The following SORCS1 variants were observed in gnomAD, a reference collection of about 807,000 sequenced individuals.
SORCS1 encodes the protein sortilin related VPS10 domain containing receptor 1.
SORCS1 carries 60 observed loss-of-function variants against 146.1 expected under a neutral mutation model. The observed-to-expected ratio is 0.41, with a 90% CI of 0.33 to 0.51. The LOEUF is 0.51. SORCS1 is among the 20% of genes least tolerant of loss of function. The pLI, the probability that SORCS1 is intolerant of heterozygous loss-of-function variation, is 0.21. For synonymous variants in SORCS1, 637 were observed against 584.0 expected, an observed-to-expected ratio of 1.09 and a Z score of -1.31; for missense variants, 1,352 against 1,487.6, an observed-to-expected ratio of 0.91 and a Z score of 1.50.
intron 4 of SORCS1, among the ~76,000 whole-genome samples, chr10:106,775,564 A>G (rs1860367915): frequency 6.6e-6 from 1 of 152,196 alleles, no homozygotes; most frequent in Non-Finnish European, 1.5e-5. Flanking sequence ...ATCTATGCAA[A>G]CCCAGACAAA....
chr10:107,050,114 C>T (rs906234506), intron 1 of SORCS1, among the ~76,000 whole-genome samples: 2 of 152,168 alleles, frequency 1.3e-5, no homozygotes, highest in Non-Finnish European at 2.9e-5. Flanking sequence ...TAACCCTTAA[C>T]TTTAAAAATT....
chr10:107,026,757 T>C (rs1958423881), intron 1 of SORCS1, among the ~76,000 whole-genome samples: 1 of 152,076 alleles, frequency 6.6e-6, no homozygotes, highest in South Asian at 2.1e-4. Flanking sequence ...TGCCATGCCA[T>C]GACCCTTCAC....
intron 1 of SORCS1, among the ~76,000 whole-genome samples, chr10:107,116,456 A>G (rs1037737279): frequency 2.6e-5 from 4 of 152,188 alleles, no homozygotes; most frequent in African/African-American, 9.6e-5. Flanking sequence ...ACACACATAC[A>G]TACGTACATA....
chr10:107,055,140 G>A lies in SORCS1; in HGVS notation c.559-98560C>T, dbSNP rs949415679. The stretch of plus-strand genomic sequence containing the variant: ...GAGGTCTTCATGGAGAGAGAAGGAG[G>A]TGTCTGGGAGAAGCCTTGAAGAGCA... On this transcript the variant is annotated intron_variant, in intron 1 of 25. Coordinates refer to ENST00000263054, the MANE Select transcript of SORCS1 (RefSeq NM_052918.5). 3.9e-5 allele frequency among the ~76,000 whole-genome samples: 6 copies of A among 152,172 alleles called. No individual in the cohort carries two copies. The South Asian group carries it at 8.3e-4, about 21-fold the overall frequency.
At chr10:106,630,987 T>G (rs1022969609) in intron 18 of SORCS1, among the ~76,000 whole-genome samples, 2 of 152,216 alleles carry the variant, frequency 1.3e-5, no homozygotes, top group Non-Finnish European at 2.9e-5. Context: ...TTGTTAGCCT[T>G]TCCCACTTTC....
At chr10:107,024,506 G>T (rs1488275586) in intron 1 of SORCS1, among the ~76,000 whole-genome samples, 1 of 152,124 alleles carries the variant, frequency 6.6e-6, no homozygotes, top group Non-Finnish European at 1.5e-5. Flanking sequence ...CAACACTGGG[G>T]GTCAAATATC....
chr10:106,704,667 G>C (rs184228466), intron 8 of SORCS1, among the ~76,000 whole-genome samples: 2 of 152,298 alleles, frequency 1.3e-5, no homozygotes, highest in Non-Finnish European at 2.9e-5. Context: ...TCCAGCCTGG[G>C]TGACAGAGCG....
At chr10:106,756,811 A>C (rs906955293) in intron 5 of SORCS1, among the ~76,000 whole-genome samples, 2 of 152,308 alleles carry the variant, frequency 1.3e-5, no homozygotes, top group East Asian at 3.9e-4. Flanking sequence ...TCCTCAGGAA[A>C]GGATCTTCAA....
chr10:107,142,755 C>T (rs1565098648), intron 1 of SORCS1, among the ~76,000 whole-genome samples: 1 of 152,128 alleles, frequency 6.6e-6, no homozygotes, highest in African/African-American at 2.4e-5. Context: ...TAGGGTGACA[C>T]TGACAGGGTT....
At chr10:106,680,378 A>G (rs1318931743) in intron 10 of SORCS1, among the ~76,000 whole-genome samples, 1 of 152,236 alleles carries the variant, frequency 6.6e-6, no homozygotes, top group East Asian at 1.9e-4. Flanking sequence ...GTAGGTTGGC[A>G]TCTCTTAGTC....
At chr10:106,646,214 T>C (rs1021262870) in intron 18 of SORCS1, among the ~76,000 whole-genome samples, 1 of 151,804 alleles carries the variant, frequency 6.6e-6, no homozygotes, top group East Asian at 1.9e-4. Context: ...ATCATGCCAC[T>C]TGCACTTCAG....
In SORCS1 at chr10:106,709,593, C is replaced by A. The variant is rs534353872; in HGVS notation, c.1025-252G>T. Among the ~76,000 whole-genome samples the A allele has an allele frequency of 5.9e-5, 9 of 152,092 alleles. No homozygotes were observed. In the South Asian group the frequency reaches 1.9e-3, roughly 32 times the overall value. On this transcript the variant is annotated intron_variant, in intron 6 of 25. Coordinates refer to ENST00000263054, the MANE Select transcript of SORCS1 (RefSeq NM_052918.5). ...CCTCCTGAGTAGCCGGGACTACAGGCATCCACCACAATGCCCGGCTAATTT... is the reference window on the plus strand; with the variant it reads ...CCTCCTGAGTAGCCGGGACTACAGGAATCCACCACAATGCCCGGCTAATTT...
intron 2 of SORCS1, among the ~76,000 whole-genome samples, chr10:106,925,369 T>G (rs532171835): frequency 2.0e-5 from 3 of 152,206 alleles, no homozygotes; most frequent in Non-Finnish European, 4.4e-5. Context: ...TCTGGATTCC[T>G]GGATGGGACC....
intron 2 of SORCS1, among the ~76,000 whole-genome samples, chr10:106,877,085 T>A (rs1024794259): frequency 2.0e-5 from 3 of 152,244 alleles, no homozygotes; most frequent in Non-Finnish European, 4.4e-5. Flanking sequence ...TTTATACCTC[T>A]GAAAACATTT....
intron 1 of SORCS1, among the ~76,000 whole-genome samples, chr10:107,001,132 A>C (rs1957198746): frequency 6.6e-6 from 1 of 152,174 alleles, no homozygotes; most frequent in East Asian, 1.9e-4. Flanking sequence ...CTCAGCATAA[A>C]AATAGGCAGA....
Position 106,923,367 on chromosome 10 carries a change from A to G in SORCS1, c.626+33146T>C, listed in dbSNP as rs369293440. ...TTTCTTTTTAGCTGAATAATATTCCATTGTATGGATGTACCAAAATCCATC... is the reference window on the plus strand; with the variant it reads ...TTTCTTTTTAGCTGAATAATATTCCGTTGTATGGATGTACCAAAATCCATC... On this transcript the variant is annotated intron_variant, in intron 2 of 25. Transcript: ENST00000263054. 9.2e-5 allele frequency among the ~76,000 whole-genome samples: 14 copies of G among 152,298 alleles called. No individual in the cohort carries two copies. The South Asian group carries it at 2.7e-3, about 29-fold the overall frequency.
At position 106,581,732 on chromosome 10, in the gene SORCS1, T is replaced by C. The variant is rs1844929242; in HGVS notation, c.3266-2258A>G. Among the ~76,000 whole-genome samples the C allele has an allele frequency of 2.6e-5, 4 of 152,290 alleles. No individual in the cohort carries two copies. In the South Asian group the frequency reaches 8.3e-4, roughly 32 times the overall value. On this transcript the variant is annotated intron_variant, in intron 24 of 25. Transcript: ENST00000263054. Reference sequence around the variant, plus strand: ...CACTGGATTATTTTGAAATAAATCTTGGAAAACTTATAATTTAACCACCTA... The same window carrying C: ...CACTGGATTATTTTGAAATAAATCTCGGAAAACTTATAATTTAACCACCTA...
intron 21 of SORCS1, among the ~76,000 whole-genome samples, chr10:106,613,724 A>T (rs925537501): frequency 1.3e-5 from 2 of 152,170 alleles, no homozygotes; most frequent in African/African-American, 4.8e-5. Flanking sequence ...TCCACATTGC[A>T]TTTAGTATAA....
intron 2 of SORCS1, among the ~76,000 whole-genome samples, chr10:106,934,383 G>A (rs556771055): frequency 0.068 from 10,264 of 151,860 alleles, 988 homozygotes; most frequent in African/African-American, 0.21. Flanking sequence ...TCAGCCTCCT[G>A]TGTAGTTGGG....
Sources: gnomAD v4.1 joint callset for allele counts (sites outside exome capture counted in the v4.1 genomes callset) on GRCh38, gnomAD v4.1.1 for gene constraint, MANE v1.5 for transcripts, NCBI Gene and HGNC (gene_info 2026-07-23, HGNC 2026-07-21) for gene names.